Variants in SIRT5 observed in about 807,000 individuals in gnomAD.
The protein encoded by SIRT5 is sirtuin 5.
In SIRT5, 26 loss-of-function variants were observed where a neutral mutation model predicts 40.0. That is an observed-to-expected ratio of 0.65 (90% CI 0.48 to 0.90). SIRT5 has a LOEUF of 0.90. Ranked by LOEUF, SIRT5 falls within the 40% of genes least tolerant of loss-of-function variation. The pLI is 0.00. For synonymous variants in SIRT5, 146 were observed against 149.1 expected, an observed-to-expected ratio of 0.98 and a Z score of 0.15; for missense variants, 401 against 402.4, an observed-to-expected ratio of 1.00 and a Z score of 0.03.
At chr6:13,591,916 A>C (rs200982791) in intron 5 of SIRT5, 22 bp downstream of exon 5, 15 of 1,603,560 alleles carry the variant, frequency 9.4e-6, no homozygotes, top group Admixed American at 1.7e-5. Flanking sequence ...CCAGCCTCCC[A>C]TTCAGGGAAC....
chr6:13,604,357 A>G, intron 9 of SIRT5: 1 of 757,434 alleles, frequency 1.3e-6, no homozygotes, highest in Non-Finnish European at 2.3e-6. Context: ...AGGCAGCTCA[A>G]GCCTCCTGTC....
At chr6:13,577,875 G>T (rs959348151) in intron 1 of SIRT5, among the ~76,000 whole-genome samples, 1 of 152,038 alleles carries the variant, frequency 6.6e-6, no homozygotes, top group Non-Finnish European at 1.5e-5. Flanking sequence ...ATGTGAGAGT[G>T]AGCATCATTG....
intron 6 of SIRT5, among the ~76,000 whole-genome samples, chr6:13,595,922 G>A (rs955640501): frequency 6.6e-6 from 1 of 152,188 alleles, no homozygotes; most frequent in African/African-American, 2.4e-5. Context: ...AGCCTGGGAA[G>A]TCAAGGCTGC....
chr6:13,613,937 T>C lies in SIRT5; in HGVS notation c.*2072T>C, dbSNP rs1764143595. The C allele has an allele frequency of 6.6e-6, 1 of 152,238 alleles. No homozygotes were observed. The highest frequency in any genetic ancestry group is 6.5e-5 in the Admixed American group (1 of 15,286). The allele number at this position is 152,238 out of a possible 1,614,324, so 9.4% of individuals were successfully genotyped here. A position where few individuals can be genotyped will look rare whatever the true frequency, so the allele number is the denominator to read the frequency against. On this transcript the variant is annotated 3_prime_UTR_variant, in exon 10 of 10. Transcript: ENST00000606117. The stretch of plus-strand genomic sequence containing the variant: ...AGGCCTAGAGATTTCAAAACTGTTC[T>C]TTGCAATTCCTCTCATACTGAACCT...
chr6:13,606,984 CTTT>C (rs74503844), intron 9 of SIRT5, among the ~76,000 whole-genome samples: 5 of 135,848 alleles, frequency 3.7e-5, no homozygotes, highest in African/African-American at 2.7e-5. Flanking sequence ...ACTTGGCCTG[CTTT>C]TTTTTTTTTT....
At chr6:13,601,296 T>C (rs2841514) in intron 9 of SIRT5, among the ~76,000 whole-genome samples, 81,033 of 152,018 alleles carry the variant, frequency 0.53, 22,042 homozygotes, top group Admixed American at 0.62. Context: ...GCCTGGGAGA[T>C]GCCCTTGCAG....
intron 2 of SIRT5, among the ~76,000 whole-genome samples, chr6:13,582,684 T>C (rs1759508426): frequency 6.6e-6 from 1 of 151,980 alleles, no homozygotes; most frequent in African/African-American, 2.4e-5. Context: ...ACCACCGTTA[T>C]ATTTTCTGCC....
intron 5 of SIRT5, among the ~76,000 whole-genome samples, chr6:13,592,915 A>ATTTTTT (rs70989874): frequency 1.4e-5 from 2 of 139,104 alleles, no homozygotes; most frequent in Non-Finnish European, 1.5e-5. Context: ...ATTTAATTTA[A>ATTTTTT]TTTTTTTTTT....
At chr6:13,588,739 C>T (rs1437138741) in intron 4 of SIRT5, among the ~76,000 whole-genome samples, 1 of 152,148 alleles carries the variant, frequency 6.6e-6, no homozygotes, top group Non-Finnish European at 1.5e-5. Context: ...AATCAGAAGA[C>T]CTTGGTTAGC....
upstream of SIRT5, among the ~76,000 whole-genome samples, chr6:13,574,306 G>C (rs924348450): frequency 6.6e-6 from 1 of 152,116 alleles, no homozygotes; most frequent in Non-Finnish European, 1.5e-5. Flanking sequence ...GCCTCCCGCA[G>C]GTGCGTCTCT....
rs372612782 is a variant in SIRT5 at position 13,595,539 on chromosome 6, A to G, written c.538A>G (p.Ile180Val). The change falls in exon 6 of 10, where the codon ATT becomes GTT. Residue 180 changes from isoleucine to valine, a missense_variant. Ile to Val is a conservative substitution (Grantham distance 29, BLOSUM62 3). Coordinates refer to ENST00000606117, the MANE Select transcript of SIRT5 (RefSeq NM_012241.5). The stretch of plus-strand genomic sequence containing the variant: ...TGTGGCTGAGAATTACAAGAGTCCA[A>G]TTTGTCCAGCTTTATCAGGAAAAGG... ...GVVAENYKSP[I>V]CPALSGKGAP... The G allele has an allele frequency of 5.1e-5, 83 of 1,613,902 alleles. No individual in the cohort carries two copies. The highest frequency in any genetic ancestry group is 6.6e-5 in the Non-Finnish European group (78 of 1,179,884).
intron 8 of SIRT5, among the ~76,000 whole-genome samples, chr6:13,600,089 TTAGA>T (rs1307646887): frequency 6.6e-6 from 1 of 152,244 alleles, no homozygotes; most frequent in Non-Finnish European, 1.5e-5. Flanking sequence ...GTGAATATCC[TTAGA>T]TAGAAATCTT....
Position 13,612,869 on chromosome 6 carries a change from T to G in SIRT5, c.*1004T>G, listed in dbSNP as rs1213601658. 6.6e-6 allele frequency: 1 copy of G among 152,206 alleles called. No homozygotes were observed. Among genetic ancestry groups the G allele is most frequent in the African/African-American group, 2.4e-5 (1 of 41,444 alleles). The allele number at this position is 152,206 out of a possible 1,614,324, so 9.4% of individuals were successfully genotyped here. A position where few individuals can be genotyped will look rare whatever the true frequency, so the allele number is the denominator to read the frequency against. On this transcript the variant is annotated 3_prime_UTR_variant, in exon 10 of 10. Coordinates refer to ENST00000606117, the MANE Select transcript of SIRT5 (RefSeq NM_012241.5). ...GTCAACAGTGAAGTGTTTCTCAGCA[T>G]CATAAAGGCAGAAGCTGTGGTTCCT...
Position 13,591,305 on chromosome 6 carries a change from C to T in SIRT5, c.250-364C>T, listed in dbSNP as rs1326875968. ...GTGTAGGTCAAAATGAGATCCACTT[C>T]GTGTGTTTTAGAGCTGCATGAAAAA... On this transcript the variant is annotated intron_variant, in intron 4 of 9. Transcript: ENST00000606117. Among the ~76,000 whole-genome samples the T allele has an allele frequency of 3.9e-5, 6 of 152,296 alleles. No individual in the cohort carries two copies. In the East Asian group the frequency reaches 9.6e-4, roughly 24 times the overall value.
At chr6:13,575,544 ATAAT>A (rs1758506196) in intron 1 of SIRT5, among the ~76,000 whole-genome samples, 2 of 151,634 alleles carry the variant, frequency 1.3e-5, no homozygotes, top group African/African-American at 2.4e-5. Context: ...ATATATTTAT[ATAAT>A]TATTTTTATT....
rs531860810 is a variant in SIRT5 at position 13,606,200 on chromosome 6, C to T, written c.857+5251C>T. Among the ~76,000 whole-genome samples the T allele has an allele frequency of 5.3e-4, 80 of 152,166 alleles. 1 individual carries two copies. Among genetic ancestry groups the T allele is most frequent in the African/African-American group, 1.6e-3 (65 of 41,504 alleles). On this transcript the variant is annotated intron_variant, in intron 9 of 9. Transcript: ENST00000606117. ...ACTTGAAGGAGGTGAAGGAGGCAGC[C>T]GAAGACATAATCTGGGATAAGAGCT...
chr6:13,578,079 C>T (rs1758852982), intron 1 of SIRT5, among the ~76,000 whole-genome samples: 1 of 152,098 alleles, frequency 6.6e-6, no homozygotes, highest in Admixed American at 6.6e-5. Context: ...TTTTTGTCCT[C>T]CATTTTGTTA....
chr6:13,603,778 A>G (rs1238458190), intron 9 of SIRT5, among the ~76,000 whole-genome samples: 2 of 152,374 alleles, frequency 1.3e-5, no homozygotes, highest in African/African-American at 2.4e-5. Flanking sequence ...GTTAATGGAA[A>G]AAGTAGAAAC....
At chr6:13,590,238 A>G (rs1361486346) in intron 4 of SIRT5, among the ~76,000 whole-genome samples, 1 of 152,152 alleles carries the variant, frequency 6.6e-6, no homozygotes, top group East Asian at 1.9e-4. Flanking sequence ...CACCTCCACT[A>G]TCAAGAAACA....
Sources: allele counts gnomAD v4.1 joint callset (sites outside exome capture counted in the v4.1 genomes callset), GRCh38; gene constraint gnomAD v4.1.1; transcripts MANE v1.5; gene names NCBI Gene and HGNC (gene_info 2026-07-23, HGNC 2026-07-21).